KDM4C: variants seen among roughly 807,000 people sequenced by gnomAD.
KDM4C encodes lysine-specific demethylase 4C.
Under a neutral mutation model 129.3 loss-of-function variants are expected in KDM4C, and 81 were observed. The observed-to-expected ratio is 0.63, with a 90% CI of 0.52 to 0.75. KDM4C has a LOEUF of 0.75. KDM4C is among the 30% of genes least tolerant of loss of function. The pLI is 0.00. For synonymous variants in KDM4C, 573 were observed against 456.1 expected (o/e 1.26, Z -3.26); for missense variants, 1,457 against 1,304.0 (o/e 1.12, Z -1.81).
intron 19 of KDM4C, among the ~76,000 whole-genome samples, chr9:7,148,031 G>T (rs1024828299): frequency 1.3e-5 from 2 of 152,254 alleles, no homozygotes; most frequent in Non-Finnish European, 2.9e-5. Context: ...TGAGCACAGG[G>T]CCAGGCCACT....
intron 8 of KDM4C, among the ~76,000 whole-genome samples, chr9:6,953,495 C>G (rs1013670406): frequency 1.3e-5 from 2 of 152,178 alleles, no homozygotes; most frequent in Non-Finnish European, 2.9e-5. Flanking sequence ...GGAGGCTGTT[C>G]TAAGCTGCCT....
intron 18 of KDM4C, among the ~76,000 whole-genome samples, chr9:7,122,259 A>T (rs201754142): frequency 0.049 from 4,896 of 100,374 alleles, 311 homozygotes; most frequent in East Asian, 0.28. Flanking sequence ...ACACACACAC[A>T]CACACACTCT....
chr9:6,816,392 C>T (rs1832091125), intron 4 of KDM4C, among the ~76,000 whole-genome samples: 2 of 152,142 alleles, frequency 1.3e-5, no homozygotes, highest in African/African-American at 4.8e-5. Flanking sequence ...TGCCCTATTA[C>T]CTACTATAGG....
At chr9:6,960,285 T>A (rs1331993658) in intron 8 of KDM4C, among the ~76,000 whole-genome samples, 3 of 148,928 alleles carry the variant, frequency 2.0e-5, no homozygotes, top group South Asian at 4.2e-4. Context: ...GTTTTTAATT[T>A]TTTTTTTTTT....
At chr9:6,803,703 T>C (rs1829432436) in intron 2 of KDM4C, among the ~76,000 whole-genome samples, 1 of 151,348 alleles carries the variant, frequency 6.6e-6, no homozygotes. Flanking sequence ...AGCTCAGGAA[T>C]TTGAGACCAG....
chr9:6,752,731 C>T (rs561689586), upstream of KDM4C, among the ~76,000 whole-genome samples: 1 of 152,182 alleles, frequency 6.6e-6, no homozygotes, highest in South Asian at 2.1e-4. Flanking sequence ...AAGCAACTTC[C>T]AAAAAGTTAT....
chr9:6,967,945 A>G (rs55768586), intron 8 of KDM4C, among the ~76,000 whole-genome samples: 2,376 of 152,296 alleles, frequency 0.016, 29 homozygotes, highest in Non-Finnish European at 0.026. Context: ...AGGGATATTA[A>G]TAGTTTCTCA....
intron 2 of KDM4C, among the ~76,000 whole-genome samples, chr9:6,803,734 C>T (rs1381727616): frequency 6.8e-6 from 1 of 147,150 alleles, no homozygotes; most frequent in East Asian, 2.0e-4. Flanking sequence ...ATGGCGAAAC[C>T]CCATCTGTAA....
At chr9:6,926,747 A>G (rs910379324) in intron 8 of KDM4C, among the ~76,000 whole-genome samples, 2 of 152,200 alleles carry the variant, frequency 1.3e-5, no homozygotes, top group African/African-American at 4.8e-5. Flanking sequence ...TGTGTTTAGT[A>G]GTTTACAGAT....
intron 12 of KDM4C, among the ~76,000 whole-genome samples, chr9:6,995,035 G>T (rs1819436968): frequency 1.4e-5 from 2 of 147,106 alleles, no homozygotes. Flanking sequence ...GGTTGTACAG[G>T]CTACGGTGGT....
At chr9:6,960,439 T>G (rs1374675909) in intron 8 of KDM4C, among the ~76,000 whole-genome samples, 1 of 151,582 alleles carries the variant, frequency 6.6e-6, no homozygotes, top group East Asian at 1.9e-4. Context: ...ATCACCACAC[T>G]CATCTAGGGG....
intron 15 of KDM4C, 152 bp downstream of exon 15, chr9:7,016,081 C>G (rs1221912285): frequency 6.0e-6 from 3 of 503,190 alleles, no homozygotes; most frequent in African/African-American, 3.9e-5. Flanking sequence ...TCAAAAGCAT[C>G]TTACCTGCTG....
intron 19 of KDM4C, among the ~76,000 whole-genome samples, chr9:7,135,225 A>T (rs1841068030): frequency 6.7e-6 from 1 of 148,536 alleles, no homozygotes. Flanking sequence ...AGTAGTTGCC[A>T]CAAAGACAGA....
intron 2 of KDM4C, among the ~76,000 whole-genome samples, chr9:6,804,655 G>C (rs945407033): frequency 5.3e-5 from 8 of 151,590 alleles, no homozygotes; most frequent in African/African-American, 1.9e-4. Context: ...CTACTTGGGA[G>C]CCTGAGGTGG....
In KDM4C at chr9:6,793,096, G is replaced by A. The variant is rs1827024125; in HGVS notation, c.108G>A (p.Met36Ile). 1.2e-6 allele frequency: 2 copies of A among 1,613,906 alleles called. No homozygotes were observed. Among genetic ancestry groups the A allele is most frequent in the African/African-American group, 2.7e-5 (2 of 74,886 alleles). ...FREFNKYLAY[M>I]ESKGAHRAGL... is the part of the protein sequence containing the mutation. ...AGTTCAACAAATACCTTGCATACAT[G>A]GAGTCTAAAGGAGCCCATCGTGCGG... Residue 36 changes from methionine to isoleucine, a missense_variant, in exon 2 of 22, where the codon ATG becomes ATA. Physicochemically the swap from Met to Ile is conservative, Grantham distance 10. Coordinates refer to ENST00000381309, the MANE Select transcript of KDM4C (RefSeq NM_015061.6).
intron 6 of KDM4C, among the ~76,000 whole-genome samples, chr9:6,881,813 G>C (rs1273805212): frequency 2.0e-5 from 3 of 152,194 alleles, no homozygotes; most frequent in Non-Finnish European, 4.4e-5. Context: ...TGAAGGATTT[G>C]TATCTGATGA....
rs902179191 is a variant in KDM4C at position 6,925,566 on chromosome 9, T to C, written c.921+32334T>C. 6 of 983,876 alleles carry C rather than the reference T, an allele frequency of 6.1e-6. No individual in the cohort carries two copies. In the Admixed American group the frequency reaches 2.5e-4, roughly 40 times the overall value. The allele number at this position is 983,876 out of a possible 1,614,324, so 60.9% of individuals were successfully genotyped here. A position where few individuals can be genotyped will look rare whatever the true frequency, so the allele number is the denominator to read the frequency against. On this transcript the variant is annotated intron_variant, in intron 8 of 21. Coordinates refer to ENST00000381309, the MANE Select transcript of KDM4C (RefSeq NM_015061.6). ...CCACCTTGGCCTCCCGAAGTTCTGG[T>C]ACAAGTGGGAGCCACCATGCCTGGG...
chr9:6,780,857 C>G (rs945539578), intron 1 of KDM4C, among the ~76,000 whole-genome samples: 1 of 149,368 alleles, frequency 6.7e-6, no homozygotes, highest in Non-Finnish European at 1.5e-5. Flanking sequence ...AGAATGCAGT[C>G]TCTTGAAGGT....
chr9:6,970,148 T>C (rs918155322), intron 8 of KDM4C, among the ~76,000 whole-genome samples: 1 of 152,218 alleles, frequency 6.6e-6, no homozygotes, highest in African/African-American at 2.4e-5. Context: ...AGAGAAATCT[T>C]AGGAACAAAT....
Sources: gnomAD v4.1 joint callset for allele counts (sites outside exome capture counted in the v4.1 genomes callset) on GRCh38, gnomAD v4.1.1 for gene constraint, MANE v1.5 for transcripts, NCBI Gene and HGNC (gene_info 2026-07-23, HGNC 2026-07-21) for gene names.